The following FGD6 variants were observed in gnomAD, a reference collection of about 807,000 sequenced individuals.
FGD6 encodes the protein FYVE, RhoGEF and PH domain containing 6.
FGD6 carries 90 observed loss-of-function variants against 149.4 expected under a neutral mutation model. The ratio of observed to expected loss-of-function variants is 0.60; its 90% CI spans 0.51 to 0.72. FGD6 has a LOEUF of 0.72. Ranked by LOEUF, FGD6 falls within the 30% of genes least tolerant of loss-of-function variation. The probability of loss-of-function intolerance (pLI) is 0.00; values close to 1 mark genes in which losing one functional copy is unlikely to be tolerated. For missense variants in FGD6, 1,437 were observed against 1,684.8 expected (o/e 0.85, Z 2.57); for synonymous variants, 527 against 584.0 (o/e 0.90, Z 1.41).
At chr12:95,205,272 A>AC (rs2056687411) in intron 2 of FGD6, among the ~76,000 whole-genome samples, 1 of 152,028 alleles carries the variant, frequency 6.6e-6, no homozygotes, top group South Asian at 2.1e-4. Flanking sequence ...TGTCTCAAAA[A>AC]AAAAAAAAGT....
rs1592821575 is a variant in FGD6 at position 95,082,418 on chromosome 12, G to A, written c.4257-862C>T. 4.6e-5 allele frequency among the ~76,000 whole-genome samples: 7 copies of A among 152,034 alleles called. No homozygotes were observed. The South Asian group carries it at 1.4e-3, about 31-fold the overall frequency. On this transcript the variant is annotated intron_variant, in intron 20 of 20. Coordinates refer to ENST00000343958, the MANE Select transcript of FGD6 (RefSeq NM_018351.4). ...CATGCCTGTAATCCCAGTACTTTGGGAGGCTGAGTTGGGCAGATCACCTGA... is the reference window on the plus strand; with the variant it reads ...CATGCCTGTAATCCCAGTACTTTGGAAGGCTGAGTTGGGCAGATCACCTGA...
intron 8 of FGD6, among the ~76,000 whole-genome samples, chr12:95,126,656 G>A (rs975875254): frequency 6.6e-6 from 1 of 150,574 alleles, no homozygotes; most frequent in African/African-American, 2.4e-5. Context: ...GCTTGAACCC[G>A]GGAGGTGGAG....
At chr12:95,197,823 C>A (rs550107683) in intron 2 of FGD6, among the ~76,000 whole-genome samples, 33 of 152,170 alleles carry the variant, frequency 2.2e-4, no homozygotes, top group Non-Finnish European at 3.8e-4. Context: ...CCACATGCAA[C>A]TAGTAAATGA....
chr12:95,096,232 C>T (rs1442857824), intron 14 of FGD6, among the ~76,000 whole-genome samples: 1 of 151,926 alleles, frequency 6.6e-6, no homozygotes, highest in Non-Finnish European at 1.5e-5. Flanking sequence ...AATAATGGTA[C>T]ATATAGACAT....
At position 95,127,488 on chromosome 12, in the gene FGD6, G is replaced by A. The variant is rs561777096; in HGVS notation, c.3082+7251C>T. 3.9e-5 allele frequency among the ~76,000 whole-genome samples: 6 copies of A among 152,332 alleles called. No individual in the cohort carries two copies. In the South Asian group the frequency reaches 1.2e-3, roughly 32 times the overall value. On this transcript the variant is annotated intron_variant, in intron 8 of 20. Coordinates refer to ENST00000343958, the MANE Select transcript of FGD6 (RefSeq NM_018351.4). ...GAACCCAGGAGGTGGAGGTTGTAGTGAGCCAAGATCGTGCCACTGCACTCC... is the reference window on the plus strand; with the variant it reads ...GAACCCAGGAGGTGGAGGTTGTAGTAAGCCAAGATCGTGCCACTGCACTCC...
At chr12:95,208,300 A>G (rs1389197346) in intron 2 of FGD6, among the ~76,000 whole-genome samples, 3 of 152,182 alleles carry the variant, frequency 2.0e-5, no homozygotes, top group African/African-American at 4.8e-5. Flanking sequence ...TGAGAAATAA[A>G]GAGTAGTTAC....
chr12:95,201,021 G>C (rs1364862509), intron 2 of FGD6, among the ~76,000 whole-genome samples: 1 of 150,270 alleles, frequency 6.7e-6, no homozygotes, highest in Non-Finnish European at 1.5e-5. Context: ...TGTCTAGTCT[G>C]CTTTTTTTTT....
intron 7 of FGD6, 30 bp from the exon 8 acceptor site, chr12:95,134,856 A>G: frequency 5.1e-6 from 8 of 1,572,442 alleles, no homozygotes; most frequent in Non-Finnish European, 6.1e-6. Flanking sequence ...AAATTAACAC[A>G]GTGTTTTCTA....
intron 14 of FGD6, among the ~76,000 whole-genome samples, chr12:95,098,410 G>C (rs1334131512): frequency 6.6e-6 from 1 of 152,062 alleles, no homozygotes; most frequent in Admixed American, 6.5e-5. Flanking sequence ...GCCTTTCAGC[G>C]GTTTCCTGTG....
chr12:95,203,449 C>T (rs779446836), intron 2 of FGD6, among the ~76,000 whole-genome samples: 13 of 152,198 alleles, frequency 8.5e-5, no homozygotes, highest in African/African-American at 1.2e-4. Context: ...TAAAAAACAA[C>T]CTCCTAAACA....
intron 3 of FGD6, among the ~76,000 whole-genome samples, chr12:95,159,889 C>T (rs942457229): frequency 6.6e-6 from 1 of 152,146 alleles, no homozygotes; most frequent in Non-Finnish European, 1.5e-5. Context: ...CACCTGTAGT[C>T]CCAGCTACTT....
intron 14 of FGD6, among the ~76,000 whole-genome samples, chr12:95,102,454 A>AAAAAC (rs1555216915): frequency 2.2e-4 from 33 of 151,056 alleles, no homozygotes; most frequent in African/African-American, 7.8e-4. Flanking sequence ...AAAAAAAAAA[A>AAAAAC]AAAAAAAAAA....
chr12:95,123,937 C>A (rs919404188), intron 8 of FGD6, among the ~76,000 whole-genome samples: 21 of 149,632 alleles, frequency 1.4e-4, no homozygotes, highest in Admixed American at 6.0e-4. Flanking sequence ...TTTTTGGAGA[C>A]AGGGTTTCCC....
At chr12:95,157,710 G>A (rs1880513273) in intron 3 of FGD6, among the ~76,000 whole-genome samples, 1 of 151,882 alleles carries the variant, frequency 6.6e-6, no homozygotes, top group South Asian at 2.1e-4. Context: ...CTTTTTTCAT[G>A]CTACTTTACC....
chr12:95,089,573 T>C lies in FGD6; in HGVS notation c.3974A>G (p.Lys1325Arg), dbSNP rs144415307. Residue 1325 changes from lysine to arginine, a missense_variant, in exon 18 of 21, where the codon AAA becomes AGA. Around this residue, in one of 2 missense-constraint regions of FGD6, gnomAD observed 382 missense variants for 538.7 expected, o/e 0.71. Transcript: ENST00000343958. ...AAATTTAATGGAAACACTTACTTCT[T>C]TGAGAGCAGCTGGGATTTTTTTCTG... ...RKQKKIPAAL[K>R]EVSANTEDSS... The C allele has an allele frequency of 2.5e-6, 4 of 1,613,486 alleles. No homozygotes were observed. The highest frequency in any genetic ancestry group is 3.4e-6 in the Non-Finnish European group (4 of 1,179,606).
intron 18 of FGD6, among the ~76,000 whole-genome samples, chr12:95,088,984 G>C (rs146052199): frequency 1.3e-3 from 192 of 152,312 alleles, no homozygotes; most frequent in Middle Eastern, 3.4e-3. Context: ...CTAATAAACT[G>C]ATCATAACGG....
At chr12:95,193,152 T>C (rs1747295865) in intron 2 of FGD6, among the ~76,000 whole-genome samples, 1 of 152,182 alleles carries the variant, frequency 6.6e-6, no homozygotes, top group African/African-American at 2.4e-5. Flanking sequence ...CTTTTGGGCA[T>C]TTATTCCAGA....
rs912958812 is a variant in FGD6 at position 95,210,157 on chromosome 12, T to C, written c.1127A>G (p.Asp376Gly). 6 of 1,613,876 alleles carry C rather than the reference T, an allele frequency of 3.7e-6. No homozygotes were observed. The highest frequency in any genetic ancestry group is 1.3e-5 in the African/African-American group (1 of 74,928). The change falls in exon 2 of 21, where the codon GAT (aspartate) becomes GGT (glycine). Residue 376 changes from aspartate to glycine, a missense_variant. Around this residue, in one of 2 missense-constraint regions of FGD6, gnomAD observed 1,055 missense variants for 1,146.0 expected, o/e 0.92. Transcript: ENST00000343958. ...QNVLCKQEQV[D>G]KMKLGNKSEL... ...ACTTTTATTTCCTAGCTTCATTTTATCCACCTGTTCCTGCTTACACAAAAC... is the reference window on the plus strand; with the variant it reads ...ACTTTTATTTCCTAGCTTCATTTTACCCACCTGTTCCTGCTTACACAAAAC...
intron 14 of FGD6, among the ~76,000 whole-genome samples, chr12:95,101,311 C>T (rs569928425): frequency 1.6e-4 from 24 of 152,184 alleles, no homozygotes; most frequent in African/African-American, 5.8e-4. Flanking sequence ...CGCGTCACTG[C>T]ACTCCTGGGC....
Sources: gnomAD v4.1 joint callset for allele counts (sites outside exome capture counted in the v4.1 genomes callset) on GRCh38, gnomAD v4.1.1 for gene constraint, gnomAD v4.1.1 regional missense constraint, MANE v1.5 for transcripts, NCBI Gene and HGNC (gene_info 2026-07-23, HGNC 2026-07-21) for gene names.